The following TEAD1 variants were observed in gnomAD, a reference collection of about 807,000 sequenced individuals.
The protein encoded by TEAD1 is TEA domain transcription factor 1, also known as transcriptional enhancer factor TEF-1.
In TEAD1, 9 loss-of-function variants were observed where a neutral mutation model predicts 54.9. The ratio of observed to expected loss-of-function variants is 0.16; its 90% CI spans 0.10 to 0.29. The LOEUF (loss-of-function observed/expected upper bound fraction) is 0.29, where lower values mean the gene tolerates loss of function less well. TEAD1 is among the 10% of genes least tolerant of loss of function. The pLI is 1.00. For missense variants in TEAD1, 387 were observed against 535.9 expected, an observed-to-expected ratio of 0.72 and a Z score of 2.74; for synonymous variants, 200 against 187.8, an observed-to-expected ratio of 1.07 and a Z score of -0.53.
chr11:12,878,768 T>A, intron 5 of TEAD1: 1 of 489,034 alleles, frequency 2.0e-6, no homozygotes, highest in Non-Finnish European at 3.0e-6. Flanking sequence ...GTATTATATG[T>A]TTGTGTACAT....
intron 2 of TEAD1, among the ~76,000 whole-genome samples, chr11:12,735,933 G>T (rs1013112082): frequency 5.3e-5 from 8 of 152,120 alleles, no homozygotes; most frequent in African/African-American, 1.9e-4. Flanking sequence ...CAACTAAATT[G>T]TGAGCAATCC....
At chr11:12,807,079 CACAG>C (rs1691730953) in intron 3 of TEAD1, among the ~76,000 whole-genome samples, 1 of 152,200 alleles carries the variant, frequency 6.6e-6, no homozygotes, top group Non-Finnish European at 1.5e-5. Context: ...AGCATCACAG[CACAG>C]ACAAATATCT....
chr11:12,740,326 T>G (rs1333141293), intron 2 of TEAD1, among the ~76,000 whole-genome samples: 1 of 152,210 alleles, frequency 6.6e-6, no homozygotes, highest in African/African-American at 2.4e-5. Context: ...TCTCTAGAAG[T>G]GTTAGCTACT....
At chr11:12,883,217 C>A in intron 9 of TEAD1, 92 bp downstream of exon 9, 2 of 1,581,204 alleles carry the variant, frequency 1.3e-6, no homozygotes. Flanking sequence ...TCCTTTACCC[C>A]GCCCCATGCC....
intron 3 of TEAD1, among the ~76,000 whole-genome samples, chr11:12,801,715 G>A (rs1211751229): frequency 1.3e-5 from 2 of 152,316 alleles, no homozygotes; most frequent in Admixed American, 6.5e-5. Context: ...TCCTGAAGAT[G>A]TTTATGTGCA....
intron 6 of TEAD1, 108 bp downstream of exon 6, chr11:12,879,950 A>G (rs909581073): frequency 2.4e-5 from 37 of 1,526,466 alleles, no homozygotes; most frequent in Admixed American, 5.1e-5. Context: ...CAGGTATGTG[A>G]GAGGGCAAAG....
chr11:12,688,536 T>C (rs1304790190), intron 2 of TEAD1, among the ~76,000 whole-genome samples: 1 of 152,200 alleles, frequency 6.6e-6, no homozygotes, highest in Non-Finnish European at 1.5e-5. Flanking sequence ...AAATTCTTCC[T>C]AGGTGGTTCT....
At chr11:12,796,449 C>G (rs1284556387) in intron 3 of TEAD1, among the ~76,000 whole-genome samples, 1 of 152,102 alleles carries the variant, frequency 6.6e-6, no homozygotes, top group East Asian at 1.9e-4. Flanking sequence ...TCTTAGGCTA[C>G]GTGGGATGGC....
intron 3 of TEAD1, among the ~76,000 whole-genome samples, chr11:12,856,559 A>G (rs1947384886): frequency 6.6e-6 from 1 of 152,194 alleles, no homozygotes; most frequent in Non-Finnish European, 1.5e-5. Context: ...TGTTCACAGG[A>G]AACATTCGAT....
At chr11:12,884,145 T>C (rs924265462) in intron 9 of TEAD1, among the ~76,000 whole-genome samples, 5 of 152,132 alleles carry the variant, frequency 3.3e-5, no homozygotes, top group African/African-American at 1.2e-4. Context: ...CCCCATCTTG[T>C]ACCCATCGTC....
At chr11:12,766,339 T>C (rs1476742227) in intron 3 of TEAD1, among the ~76,000 whole-genome samples, 1 of 152,252 alleles carries the variant, frequency 6.6e-6, no homozygotes, top group Non-Finnish European at 1.5e-5. Context: ...ATTATATAAA[T>C]ATTTTTATGT....
chr11:12,715,802 T>C (rs1012704323), intron 2 of TEAD1, among the ~76,000 whole-genome samples: 4 of 152,134 alleles, frequency 2.6e-5, no homozygotes, highest in Non-Finnish European at 5.9e-5. Context: ...AAATTTATAC[T>C]AATAAATTAA....
chr11:12,941,533 A>G lies in TEAD1; in HGVS notation c.*4311A>G, dbSNP rs1215361128. 1 of 152,636 alleles carries G rather than the reference A, an allele frequency of 6.6e-6. No individual in the cohort carries two copies. Among genetic ancestry groups the G allele is most frequent in the Non-Finnish European group, 1.5e-5 (1 of 68,036 alleles). 9.5% of individuals were successfully genotyped at this position (152,636 alleles called of 1,614,324 possible). ...ATCATCTGAGATGACAGTCAATTTT[A>G]CAAACCAGGTACATATTAATTTGTA... On this transcript the variant is annotated 3_prime_UTR_variant, in exon 13 of 13. Transcript: ENST00000527636.
At position 12,940,807 on chromosome 11, in the gene TEAD1, GT is replaced by G. The variant is rs1359611086; in HGVS notation, c.*3588del. ...GCATATTTCCTCTGGGCTTCTTCTA[GT>G]TTCTGCCTTACAAGCAATGCTGTTC... On this transcript the variant is annotated 3_prime_UTR_variant, in exon 13 of 13. Coordinates refer to ENST00000527636, the MANE Select transcript of TEAD1 (RefSeq NM_021961.6). 1 of 152,136 alleles carries G rather than the reference GT, an allele frequency of 6.6e-6. No homozygotes were observed. Among genetic ancestry groups the G allele is most frequent in the Admixed American group, 6.5e-5 (1 of 15,280 alleles). The allele number at this position is 152,136 out of a possible 1,614,324, so 9.4% of individuals were successfully genotyped here.
At chr11:12,847,454 G>C (rs568642457) in intron 3 of TEAD1, among the ~76,000 whole-genome samples, 3 of 142,702 alleles carry the variant, frequency 2.1e-5, no homozygotes, top group African/African-American at 7.7e-5. Flanking sequence ...CAGAGGCCTG[G>C]CAGCTCAGGA....
At chr11:12,899,926 C>T (rs1695486067) in intron 9 of TEAD1, among the ~76,000 whole-genome samples, 2 of 152,234 alleles carry the variant, frequency 1.3e-5, no homozygotes, top group South Asian at 4.1e-4. Context: ...TGTCTTTTGG[C>T]ATGGTGGCCA....
intron 9 of TEAD1, among the ~76,000 whole-genome samples, chr11:12,893,311 A>G (rs1444212519): frequency 6.6e-6 from 1 of 152,092 alleles, no homozygotes; most frequent in East Asian, 1.9e-4. Context: ...GAAGGAGATG[A>G]TGGCTCAGTG....
intron 3 of TEAD1, among the ~76,000 whole-genome samples, chr11:12,774,468 G>A (rs1382634272): frequency 2.0e-5 from 3 of 152,170 alleles, no homozygotes; most frequent in Admixed American, 6.5e-5. Context: ...TGTAAGTGGT[G>A]TCTAAAAGCA....
chr11:12,844,947 C>T (rs942272879), intron 3 of TEAD1, among the ~76,000 whole-genome samples: 1 of 136,228 alleles, frequency 7.3e-6, no homozygotes, highest in African/African-American at 2.7e-5. Context: ...CCCTGATTGA[C>T]GTGTATGAAA....
Sources: allele counts gnomAD v4.1 joint callset (sites outside exome capture counted in the v4.1 genomes callset), GRCh38; gene constraint gnomAD v4.1.1; transcripts MANE v1.5; gene names NCBI Gene and HGNC (gene_info 2026-07-23, HGNC 2026-07-21).